Variants in PGR observed in about 807,000 individuals in gnomAD.
PGR encodes progesterone receptor, also known as nuclear receptor subfamily 3 group C member 3.
PGR carries 25 observed loss-of-function variants against 76.1 expected under a neutral mutation model. The ratio of observed to expected loss-of-function variants is 0.33; its 90% CI spans 0.24 to 0.46. The LOEUF is 0.46. PGR is among the 20% of genes least tolerant of loss of function. The pLI is 1.00. For missense variants in PGR, 1,172 were observed against 1,225.3 expected, an observed-to-expected ratio of 0.96 and a Z score of 0.65; for synonymous variants, 579 against 535.0, an observed-to-expected ratio of 1.08 and a Z score of -1.14.
At chr11:101,068,222 C>A (rs1307992499) in intron 3 of PGR, among the ~76,000 whole-genome samples, 3 of 151,988 alleles carry the variant, frequency 2.0e-5, no homozygotes, top group African/African-American at 7.2e-5. Context: ...TCCTATACAC[C>A]AATAATAGAC....
chr11:101,110,142 C>T lies in PGR; in HGVS notation c.1789+15865G>A, dbSNP rs556371385. 4.4e-4 allele frequency among the ~76,000 whole-genome samples: 67 copies of T among 152,268 alleles called. 1 individual carries two copies. The South Asian group carries it at 7.9e-3, about 18-fold the overall frequency. ...AGGTTAATGTATTCATGCCTGCTAA[C>T]ACAACATCTATTCTGCAGCCCATGG... On this transcript the variant is annotated intron_variant, in intron 2 of 7. Transcript: ENST00000325455.
intron 1 of PGR, among the ~76,000 whole-genome samples, chr11:101,126,596 A>T (rs1862845558): frequency 6.6e-6 from 1 of 152,170 alleles, no homozygotes; most frequent in African/African-American, 2.4e-5. Context: ...TTAAAACACA[A>T]CCCTGTAATC....
At chr11:101,080,665 A>G (rs1405658350) in intron 3 of PGR, among the ~76,000 whole-genome samples, 2 of 152,120 alleles carry the variant, frequency 1.3e-5, no homozygotes, top group African/African-American at 4.8e-5. Flanking sequence ...TGACACATAA[A>G]TAATTCAAAG....
chr11:101,034,087 C>T lies in PGR; in HGVS notation c.*5029G>A, dbSNP rs1859434307. ...TAATGGACAGAGTATGCTTTCTTAG[C>T]TGCCTGATTCACATTTCTCTAAAAA... is the stretch of plus-strand genomic sequence containing the variant. On this transcript the variant is annotated 3_prime_UTR_variant, in exon 8 of 8. Transcript: ENST00000325455. The T allele has an allele frequency of 1.3e-5, 3 of 231,234 alleles. No individual in the cohort carries two copies. The highest frequency in any genetic ancestry group is 8.6e-6 in the Non-Finnish European group (1 of 116,894). 14.3% of individuals were successfully genotyped at this position (231,234 alleles called of 1,614,324 possible). A position where few individuals can be genotyped will look rare whatever the true frequency, so the allele number is the denominator to read the frequency against.
At chr11:101,052,255 A>G (rs1332427760) in intron 4 of PGR, among the ~76,000 whole-genome samples, 1 of 149,450 alleles carries the variant, frequency 6.7e-6, no homozygotes, top group Non-Finnish European at 1.5e-5. Flanking sequence ...CGTGTGGCTT[A>G]AGAGATTTAG....
chr11:101,086,940 A>C (rs1320377533), intron 3 of PGR, among the ~76,000 whole-genome samples: 1 of 152,234 alleles, frequency 6.6e-6, no homozygotes, highest in Non-Finnish European at 1.5e-5. Context: ...CACAGATGAC[A>C]CTAACACATG....
chr11:101,062,998 G>T, intron 3 of PGR: 1 of 377,484 alleles, frequency 2.6e-6, no homozygotes, highest in South Asian at 2.9e-5. Flanking sequence ...ACAATCACTG[G>T]GTGGGTGAGG....
chr11:101,053,874 G>A (rs1049482821), intron 4 of PGR, among the ~76,000 whole-genome samples: 3 of 151,706 alleles, frequency 2.0e-5, no homozygotes, highest in Non-Finnish European at 2.9e-5. Context: ...TAGTTTTTGC[G>A]AGAGCAAATG....
At chr11:101,096,803 G>A (rs753752739) in intron 2 of PGR, among the ~76,000 whole-genome samples, 27 of 152,126 alleles carry the variant, frequency 1.8e-4, no homozygotes, top group East Asian at 3.8e-4. Flanking sequence ...CTCAAATTGC[G>A]TATTATTTCT....
intron 2 of PGR, among the ~76,000 whole-genome samples, chr11:101,106,932 G>A (rs1275850823): frequency 6.6e-6 from 1 of 152,150 alleles, no homozygotes; most frequent in Admixed American, 6.5e-5. Flanking sequence ...GGATGAAGCT[G>A]GAAACCATCA....
chr11:101,085,537 A>AC (rs1861467291), intron 3 of PGR, among the ~76,000 whole-genome samples: 1 of 148,640 alleles, frequency 6.7e-6, no homozygotes, highest in African/African-American at 2.4e-5. Flanking sequence ...AAAAAAAAAA[A>AC]AAAAAAAAAA....
intron 3 of PGR, among the ~76,000 whole-genome samples, chr11:101,073,404 T>A (rs1228702281): frequency 6.6e-6 from 1 of 151,560 alleles, no homozygotes; most frequent in African/African-American, 2.4e-5. Flanking sequence ...CACGCTAATA[T>A]CACAATTAAA....
At chr11:101,046,805 T>G (rs572412563) in intron 6 of PGR, among the ~76,000 whole-genome samples, 99 of 152,278 alleles carry the variant, frequency 6.5e-4, no homozygotes, top group Non-Finnish European at 9.3e-4. Flanking sequence ...GATTTGTGGT[T>G]TCCACTATAC....
At chr11:101,073,389 AT>A (rs1861013519) in intron 3 of PGR, among the ~76,000 whole-genome samples, 1 of 152,220 alleles carries the variant, frequency 6.6e-6, no homozygotes, top group Admixed American at 6.5e-5. Context: ...ATGATCTAAA[AT>A]TGACACGCTA....
intron 4 of PGR, 44 bp downstream of exon 4, chr11:101,062,401 CAT>C: frequency 7.2e-7 from 1 of 1,382,826 alleles, no homozygotes; most frequent in Admixed American, 1.7e-5. Context: ...ATACAACAAA[CAT>C]AGTATATTTT....
In PGR at chr11:101,037,867, T is replaced by A. The variant is rs1450875356; in HGVS notation, c.*1249A>T. ...CAGTCAGCAAACACTATTGACCACT[T>A]TATATGGCTCCCAGACTCCCAGGAG... is the stretch of plus-strand genomic sequence containing the variant. On this transcript the variant is annotated 3_prime_UTR_variant, in exon 8 of 8. Coordinates refer to ENST00000325455, the MANE Select transcript of PGR (RefSeq NM_000926.4). 9.1e-6 allele frequency: 2 copies of A among 218,754 alleles called. No homozygotes were observed. The highest frequency in any genetic ancestry group is 1.8e-5 in the Non-Finnish European group (2 of 108,876). The allele number at this position is 218,754 out of a possible 1,614,324, so 13.6% of individuals were successfully genotyped here.
chr11:101,100,078 G>T (rs1002141990), intron 2 of PGR, among the ~76,000 whole-genome samples: 1 of 152,086 alleles, frequency 6.6e-6, no homozygotes, highest in African/African-American at 2.4e-5. Flanking sequence ...TTACTGATAT[G>T]GTTTGGCTTT....
rs57589089 is a variant in PGR, at chr11:101,117,611, C to T, written c.1789+8396G>A. Among the ~76,000 whole-genome samples, 840 of 151,574 alleles carry T rather than the reference C, an allele frequency of 5.5e-3. 13 individuals carry two copies. The highest frequency in any genetic ancestry group is 0.04 in the East Asian group (208 of 5,170). On this transcript the variant is annotated intron_variant, in intron 2 of 7. Coordinates refer to ENST00000325455, the MANE Select transcript of PGR (RefSeq NM_000926.4). ...TCCATACTTTTAGGTTTCTTTTCTTCAAATAAAAAAAAAATTAAGTTGTTG... is the reference window on the plus strand; with the variant it reads ...TCCATACTTTTAGGTTTCTTTTCTTTAAATAAAAAAAAAATTAAGTTGTTG...
chr11:101,082,677 G>C (rs1033765468), intron 3 of PGR, among the ~76,000 whole-genome samples: 3 of 152,152 alleles, frequency 2.0e-5, no homozygotes, highest in African/African-American at 7.2e-5. Flanking sequence ...AGATGATTTG[G>C]GGTATCTGGT....
Sources: gnomAD v4.1 joint callset for allele counts (sites outside exome capture counted in the v4.1 genomes callset) on GRCh38, gnomAD v4.1.1 for gene constraint, MANE v1.5 for transcripts, NCBI Gene and HGNC (gene_info 2026-07-23, HGNC 2026-07-21) for gene names.